The following TECTB variants were observed in gnomAD, a reference collection of about 807,000 sequenced individuals.
The protein encoded by TECTB is beta-tectorin.
Under a neutral mutation model 43.3 loss-of-function variants are expected in TECTB, and 45 were observed. That is an observed-to-expected ratio of 1.04 (90% CI 0.82 to 1.33). TECTB has a LOEUF of 1.33. TECTB is among the 40% of genes most tolerant of loss of function. The pLI is 0.00. For synonymous variants in TECTB, 169 were observed against 156.7 expected, an observed-to-expected ratio of 1.08 and a Z score of -0.59; for missense variants, 399 against 404.7, an observed-to-expected ratio of 0.99 and a Z score of 0.12.
At chr10:112,298,325 G>C (rs1848567165) in intron 8 of TECTB, 94 bp downstream of exon 8, 1 of 1,487,516 alleles carries the variant, frequency 6.7e-7, no homozygotes. Context: ...ACCAGGCCAG[G>C]GCAGCTGTGT....
chr10:112,296,339 C>T (rs997478042), intron 7 of TECTB, among the ~76,000 whole-genome samples: 2 of 152,150 alleles, frequency 1.3e-5, no homozygotes, highest in Non-Finnish European at 1.5e-5. Context: ...TGGGCTTCCA[C>T]CATCTAGAGG....
At chr10:112,289,372 GC>G (rs1458969679) in intron 5 of TECTB, among the ~76,000 whole-genome samples, 3 of 152,186 alleles carry the variant, frequency 2.0e-5, no homozygotes, top group East Asian at 1.9e-4. Context: ...AGCAATAGAG[GC>G]CAAAATCATA....
chr10:112,284,462 G>A, intron 2 of TECTB, 73 bp from the exon 3 acceptor site: 2 of 1,399,556 alleles, frequency 1.4e-6, no homozygotes. Flanking sequence ...GGTGTAGCTG[G>A]AATCCACTGT....
At chr10:112,295,099 A>G (rs1478387307) in intron 7 of TECTB, among the ~76,000 whole-genome samples, 1 of 152,254 alleles carries the variant, frequency 6.6e-6, no homozygotes, top group African/African-American at 2.4e-5. Context: ...GGGCTAGACA[A>G]GAGATGTGGA....
intron 10 of TECTB, chr10:112,303,016 GA>G: frequency 2.0e-6 from 1 of 504,388 alleles, no homozygotes; most frequent in Non-Finnish European, 3.5e-6. Flanking sequence ...GTTCTACACT[GA>G]AAGCCCTAGA....
At chr10:112,302,011 A>G in intron 9 of TECTB, 90 bp from the exon 10 acceptor site, 1 of 1,488,184 alleles carries the variant, frequency 6.7e-7, no homozygotes, top group Non-Finnish European at 9.3e-7. Flanking sequence ...GCCCCCAGCC[A>G]GGTTTTGTGT....
At chr10:112,298,646 G>A (rs761206076) in intron 8 of TECTB, among the ~76,000 whole-genome samples, 4 of 152,234 alleles carry the variant, frequency 2.6e-5, no homozygotes, top group Non-Finnish European at 4.4e-5. Flanking sequence ...CAAAAGGTGG[G>A]TGTTTTTAGT....
At chr10:112,285,990 ATCT>A (rs1792435392) in intron 3 of TECTB, 78 bp from the exon 4 acceptor site, 5 of 1,568,520 alleles carry the variant, frequency 3.2e-6, no homozygotes, top group Non-Finnish European at 1.7e-6. Context: ...TTTTTGAGCC[ATCT>A]TCTTGCACTT....
In TECTB at chr10:112,293,849, C is replaced by T. The variant is rs749475196; in HGVS notation, c.587+8C>T. ...CAAAGGGTTAAGCATTAGGTAAGTA[C>T]ATTTCCTCCAAGTTTATATGTTTAA... On this transcript the variant is annotated splice_region_variant and intron_variant, in intron 6 of 10. Coordinates refer to ENST00000646139, the MANE Select transcript of TECTB (RefSeq NM_058222.3). The T allele has an allele frequency of 5.6e-6, 9 of 1,613,070 alleles. No homozygotes were observed. In the Admixed American group the frequency reaches 1.2e-4, roughly 21 times the overall value.
In TECTB at chr10:112,286,178, C is replaced by T. The variant is rs1848452704; in HGVS notation, c.375C>T (p.Ser125=). The T allele has an allele frequency of 6.2e-7, 1 of 1,614,188 alleles. No individual in the cohort carries two copies. Among genetic ancestry groups the T allele is most frequent in the Non-Finnish European group, 8.5e-7 (1 of 1,180,016 alleles). ...VNYSFSCTYH[S]TYLVNQAAFD... ...ACTCCTTCTCCTGCACCTACCACTC[C>T]ACCTACTTGGTGAACCAGGCTGCCT... Residue 125 remains serine, a synonymous_variant, in exon 4 of 11, where the codon TCC becomes TCT. Coordinates refer to ENST00000646139, the MANE Select transcript of TECTB (RefSeq NM_058222.3).
intron 9 of TECTB, 40 bp downstream of exon 9, chr10:112,299,604 G>A (rs1288268689): frequency 6.2e-7 from 1 of 1,606,088 alleles, no homozygotes. Context: ...AAACGGTTGA[G>A]TTCACGCTGG....
chr10:112,287,988 G>A (rs1291375942), intron 5 of TECTB, among the ~76,000 whole-genome samples: 4 of 152,030 alleles, frequency 2.6e-5, no homozygotes, highest in African/African-American at 4.8e-5. Context: ...ACCTATAATC[G>A]GGGGCTAAAT....
intron 5 of TECTB, 56 bp downstream of exon 5, chr10:112,286,447 G>T: frequency 6.5e-7 from 1 of 1,545,232 alleles, no homozygotes. Context: ...TCTAGGAGAT[G>T]GTGGGATGCT....
At position 112,283,792 on chromosome 10, in the gene TECTB, T is replaced by C; in HGVS notation, c.58T>C (p.Cys20Arg). 6.2e-7 allele frequency: 1 copy of C among 1,613,952 alleles called. No homozygotes were observed. Among genetic ancestry groups the C allele is most frequent in the South Asian group, 1.1e-5 (1 of 91,044 alleles). The change falls in exon 2 of 11, where the codon TGT becomes CGT. Residue 20 changes from cysteine (C) to arginine (R), a missense_variant. Physicochemically the swap from Cys to Arg is radical, Grantham distance 180. Transcript: ENST00000646139. ...CTTTGCAGAAGCCTCTGCAAAATCGTGTGCTCCAAATAAAGCAGGTATGTC... is the reference window on the plus strand; with the variant it reads ...CTTTGCAGAAGCCTCTGCAAAATCGCGTGCTCCAAATAAAGCAGGTATGTC... The part of the protein sequence containing the change: ...AIFAEASAKS[C>R]APNKADVILV...
chr10:112,301,239 T>A (rs1226279944), intron 9 of TECTB, among the ~76,000 whole-genome samples: 1 of 152,006 alleles, frequency 6.6e-6, no homozygotes, highest in African/African-American at 2.4e-5. Context: ...CCTGGCCCTG[T>A]CCCTACTAGA....
chr10:112,292,110 T>C (rs1042053643), intron 5 of TECTB, among the ~76,000 whole-genome samples: 65 of 145,944 alleles, frequency 4.5e-4, no homozygotes, highest in African/African-American at 1.4e-3. Context: ...CACTCCAGCC[T>C]GGGTGACAGA....
chr10:112,297,941 T>C (rs959172801), intron 7 of TECTB, 128 bp from the exon 8 acceptor site: 1 of 1,236,454 alleles, frequency 8.1e-7, no homozygotes, highest in Non-Finnish European at 1.2e-6. Context: ...GAGGTGCTGC[T>C]AATCAAAATG....
chr10:112,304,785 A>G lies in TECTB; in HGVS notation c.*1473A>G, dbSNP rs1848639194. On this transcript the variant is annotated 3_prime_UTR_variant, in exon 11 of 11. Transcript: ENST00000646139. ...CAATTTGGTCTAGACTTGGTCTCTA[A>G]GCTGGAGTTCCAACGAGTTTAGGAT... The G allele has an allele frequency of 7.1e-6, 1 of 141,338 alleles. No individual in the cohort carries two copies. The highest frequency in any genetic ancestry group is 1.5e-5 in the Non-Finnish European group (1 of 68,012). The allele number at this position is 141,338 out of a possible 1,614,324, so 8.8% of individuals were successfully genotyped here. A position where few individuals can be genotyped will look rare whatever the true frequency, so the allele number is the denominator to read the frequency against.
At position 112,299,574 on chromosome 10, in the gene TECTB, TCTGTTTTC is replaced by T. The variant is rs767767039; in HGVS notation, c.907+13_907+20del. 1.1e-5 allele frequency: 3 copies of T among 269,466 alleles called. No individual in the cohort carries two copies. Among genetic ancestry groups the T allele is most frequent in the Non-Finnish European group, 1.5e-5 (3 of 198,656 alleles). The allele number at this position is 269,466 out of a possible 1,614,324, so 16.7% of individuals were successfully genotyped here. A position where few individuals can be genotyped will look rare whatever the true frequency, so the allele number is the denominator to read the frequency against. Reference sequence around the variant, plus strand: ...GAGCTCTCCCTGCGGAGTAAGCGTCTCTGTTTTCCTCTGTTTTCCAAACGGTTGAGTTC... The same window carrying T: ...GAGCTCTCCCTGCGGAGTAAGCGTCTCTCTGTTTTCCAAACGGTTGAGTTC... On this transcript the variant is annotated intron_variant, in intron 9 of 10. Transcript: ENST00000646139.
Sources: allele counts gnomAD v4.1 joint callset (sites outside exome capture counted in the v4.1 genomes callset), GRCh38; gene constraint gnomAD v4.1.1; transcripts MANE v1.5; gene names NCBI Gene and HGNC (gene_info 2026-07-23, HGNC 2026-07-21).